CSMD1: variants seen among roughly 807,000 people sequenced by gnomAD.
CSMD1 encodes the protein CUB and sushi domain-containing protein 1.
A neutral mutation model predicts 417.5 loss-of-function variants in CSMD1; 213 were observed. The ratio of observed to expected loss-of-function variants is 0.51; its 90% confidence interval spans 0.46 to 0.57. The LOEUF (loss-of-function observed/expected upper bound fraction) is 0.57, where lower values mean the gene tolerates loss of function less well. CSMD1 is among the 20% of genes least tolerant of loss of function. The probability of loss-of-function intolerance (pLI) is 0.00; values close to 1 mark genes in which losing one functional copy is unlikely to be tolerated. For missense variants in CSMD1, 6,923 were observed against 4,529.7 expected (o/e 1.53, Z -15.17); for synonymous variants, 2,862 against 1,736.8 (o/e 1.65, Z -16.11).
intron 50 of CSMD1, among the ~76,000 whole-genome samples, chr8:3,040,816 TAAG>T (rs1396683015): frequency 7.2e-5 from 11 of 152,146 alleles, no homozygotes; most frequent in African/African-American, 2.4e-4. Context: ...ATAATAATAA[TAAG>T]ATTATAAATT....
At chr8:4,440,160 GTTTC>G (rs1429307360) in intron 2 of CSMD1, among the ~76,000 whole-genome samples, 1 of 152,076 alleles carries the variant, frequency 6.6e-6, no homozygotes, top group Non-Finnish European at 1.5e-5. Context: ...TAATTTGGAC[GTTTC>G]TTTCTAGATT....
intron 3 of CSMD1, among the ~76,000 whole-genome samples, chr8:4,411,757 C>A (rs963535339): frequency 2.0e-5 from 3 of 152,132 alleles, no homozygotes; most frequent in Non-Finnish European, 4.4e-5. Flanking sequence ...ACATACCTAT[C>A]CAAGTACTTT....
intron 7 of CSMD1, among the ~76,000 whole-genome samples, chr8:3,678,643 C>A (rs1209468870): frequency 6.6e-6 from 1 of 152,134 alleles, no homozygotes; most frequent in Non-Finnish European, 1.5e-5. Flanking sequence ...ACTTCCCCAA[C>A]CTAGCAAGGC....
At chr8:4,207,133 G>T (rs1031848284) in intron 3 of CSMD1, among the ~76,000 whole-genome samples, 1 of 152,256 alleles carries the variant, frequency 6.6e-6, no homozygotes, top group East Asian at 1.9e-4. Flanking sequence ...AAATAGGACA[G>T]TTGGTAAAAA....
intron 50 of CSMD1, among the ~76,000 whole-genome samples, chr8:3,031,724 G>A (rs1282795439): frequency 4.0e-5 from 6 of 151,840 alleles, no homozygotes; most frequent in East Asian, 1.9e-4. Flanking sequence ...TTCACACAAC[G>A]GAATCAGACA....
At chr8:4,670,415 G>C (rs897181081) in intron 1 of CSMD1, among the ~76,000 whole-genome samples, 2 of 152,150 alleles carry the variant, frequency 1.3e-5, no homozygotes, top group Non-Finnish European at 2.9e-5. Flanking sequence ...AAGAAAATGT[G>C]TGTTTTGGAT....
chr8:3,514,498 A>G (rs1797206982), intron 10 of CSMD1, among the ~76,000 whole-genome samples: 1 of 152,210 alleles, frequency 6.6e-6, no homozygotes, highest in South Asian at 2.1e-4. Flanking sequence ...GGAATTGACT[A>G]AAAATGGCTT....
intron 1 of CSMD1, among the ~76,000 whole-genome samples, chr8:4,894,644 G>T (rs973609745): frequency 1.3e-5 from 2 of 151,710 alleles, no homozygotes; most frequent in Non-Finnish European, 2.9e-5. Flanking sequence ...GCAAATATCT[G>T]CAAAGGGATT....
intron 1 of CSMD1, among the ~76,000 whole-genome samples, chr8:4,687,832 T>TACAC (rs1352736047): frequency 2.0e-5 from 2 of 98,766 alleles, no homozygotes; most frequent in Admixed American, 1.3e-4. Flanking sequence ...CACACATACA[T>TACAC]ACATACACAC....
intron 1 of CSMD1, among the ~76,000 whole-genome samples, chr8:4,921,980 G>C (rs192045550): frequency 6.6e-6 from 1 of 152,218 alleles, no homozygotes; most frequent in Non-Finnish European, 1.5e-5. Flanking sequence ...AGCCAAATTT[G>C]CTTCAGATCC....
intron 1 of CSMD1, among the ~76,000 whole-genome samples, chr8:4,795,251 G>GATTTTTTTTTTTTTT (rs1797912090): frequency 1.2e-5 from 1 of 85,246 alleles, no homozygotes; most frequent in Non-Finnish European, 2.5e-5. Context: ...TGGTGTCATA[G>GATTTTTTTTTTTTTT]CTTTTTTTTT....
chr8:4,130,099 C>A (rs182063081), intron 3 of CSMD1, among the ~76,000 whole-genome samples: 14 of 152,232 alleles, frequency 9.2e-5, no homozygotes, highest in African/African-American at 3.1e-4. Context: ...AGGGCTAGGG[C>A]TGCTCCATCA....
chr8:4,265,171 G>A (rs917484172), intron 3 of CSMD1, among the ~76,000 whole-genome samples: 1 of 151,988 alleles, frequency 6.6e-6, no homozygotes, highest in Non-Finnish European at 1.5e-5. Context: ...ATAAATAGTG[G>A]AACCTGTTTC....
At chr8:2,951,323 T>C in intron 65 of CSMD1, 48 bp from the exon 66 acceptor site, 4 of 1,540,316 alleles carry the variant, frequency 2.6e-6, no homozygotes, top group Non-Finnish European at 3.5e-6. Flanking sequence ...ACACAAACAA[T>C]AAATTCAGAC....
intron 3 of CSMD1, among the ~76,000 whole-genome samples, chr8:4,196,085 C>G (rs903226130): frequency 6.6e-6 from 1 of 152,098 alleles, no homozygotes; most frequent in African/African-American, 2.4e-5. Context: ...GTGACGGGCG[C>G]CTGTAGTCCC....
chr8:4,867,252 T>C (rs1027586293), intron 1 of CSMD1, among the ~76,000 whole-genome samples: 2 of 152,090 alleles, frequency 1.3e-5, no homozygotes, highest in Admixed American at 6.5e-5. Context: ...TTGTTAAATA[T>C]GCAAATTGAT....
intron 49 of CSMD1, among the ~76,000 whole-genome samples, chr8:3,084,219 C>T (rs1238825285): frequency 2.6e-5 from 4 of 152,030 alleles, no homozygotes; most frequent in African/African-American, 7.3e-5. Context: ...GTATATACAG[C>T]GTGTAAAAGA....
At chr8:4,360,189 G>A (rs1584954755) in intron 3 of CSMD1, among the ~76,000 whole-genome samples, 1 of 152,088 alleles carries the variant, frequency 6.6e-6, no homozygotes, top group Non-Finnish European at 1.5e-5. Context: ...CCGAGTAAAC[G>A]CGTGGCATTT....
chr8:4,433,560 T>C (rs566934483), intron 2 of CSMD1, among the ~76,000 whole-genome samples: 1 of 152,188 alleles, frequency 6.6e-6, no homozygotes, highest in South Asian at 2.1e-4. Flanking sequence ...GAAGCAGACA[T>C]GTGCTGCAAC....
Sources: gnomAD v4.1 joint callset for allele counts (sites outside exome capture counted in the v4.1 genomes callset) on GRCh38, gnomAD v4.1.1 for gene constraint, MANE v1.5 for transcripts, NCBI Gene and HGNC (gene_info 2026-07-23, HGNC 2026-07-21) for gene names.